The following RCOR1 variants were observed in gnomAD, a reference collection of about 807,000 sequenced individuals.
RCOR1 encodes the protein REST corepressor.
In RCOR1, 12 loss-of-function variants were observed where a neutral mutation model predicts 64.0. The observed-to-expected ratio is 0.19, with a 90% CI of 0.12 to 0.30. The LOEUF (loss-of-function observed/expected upper bound fraction) is 0.30. RCOR1 is among the 10% of genes least tolerant of loss of function. RCOR1 has a pLI of 1.00. For synonymous variants in RCOR1, 279 were observed against 227.2 expected (o/e 1.23, Z -2.05); for missense variants, 502 against 621.2 (o/e 0.81, Z 2.04).
intron 2 of RCOR1, among the ~76,000 whole-genome samples, chr14:102,673,380 A>AG (rs1385732885): frequency 6.9e-6 from 1 of 144,924 alleles, no homozygotes; most frequent in South Asian, 2.2e-4. Flanking sequence ...TCTGTGGCCC[A>AG]GGCTGGAGTG....
rs565287760 is a variant in RCOR1, at chr14:102,656,599, C to T, written c.362-25296C>T. On this transcript the variant is annotated intron_variant, in intron 2 of 11. Transcript: ENST00000262241. The stretch of plus-strand genomic sequence containing the variant: ...TCTCCTGTTCCAGCCTCCTAGGTAA[C>T]TGGGACTGCAGGCTTGCCACCATAT... 2.0e-5 allele frequency among the ~76,000 whole-genome samples: 3 copies of T among 151,880 alleles called. No individual in the cohort carries two copies. The South Asian group carries it at 6.2e-4, about 32-fold the overall frequency.
At chr14:102,629,442 T>TCC (rs34832312) in intron 2 of RCOR1, among the ~76,000 whole-genome samples, 64 of 146,046 alleles carry the variant, frequency 4.4e-4, no homozygotes, top group African/African-American at 1.1e-3. Context: ...CTTAACAGCC[T>TCC]CCCCCCCCCC....
intron 2 of RCOR1, among the ~76,000 whole-genome samples, chr14:102,639,947 A>G (rs892298156): frequency 1.1e-4 from 17 of 152,088 alleles, no homozygotes; most frequent in African/African-American, 3.9e-4. Context: ...CCTGGGTTCA[A>G]GTGATTCTCT....
intron 11 of RCOR1, among the ~76,000 whole-genome samples, chr14:102,724,347 C>CA (rs1265563057): frequency 6.6e-6 from 1 of 151,314 alleles, no homozygotes; most frequent in Non-Finnish European, 1.5e-5. Context: ...TTTTTTGAGA[C>CA]AGAGTCTCCC....
chr14:102,720,592 AGTTCT>A (rs1441007254), intron 8 of RCOR1, among the ~76,000 whole-genome samples: 2 of 152,262 alleles, frequency 1.3e-5, no homozygotes, highest in Non-Finnish European at 2.9e-5. Flanking sequence ...CTGCACCCGC[AGTTCT>A]GTTGTAAAGA....
chr14:102,610,399 T>TA (rs1408364127), intron 2 of RCOR1, among the ~76,000 whole-genome samples: 2 of 152,134 alleles, frequency 1.3e-5, no homozygotes, highest in East Asian at 3.8e-4. Context: ...GTCCTTCTGT[T>TA]ACACTAGGCA....
chr14:102,701,178 T>C (rs1895750444), intron 3 of RCOR1, 100 bp from the exon 4 acceptor site: 5 of 990,338 alleles, frequency 5.0e-6, no homozygotes, highest in Admixed American at 1.8e-5. Context: ...AGCCAAACCA[T>C]ATCAGCAGGC....
chr14:102,681,837 T>A (rs1895310347), intron 2 of RCOR1, 58 bp from the exon 3 acceptor site: 1 of 1,245,122 alleles, frequency 8.0e-7, no homozygotes, highest in African/African-American at 1.5e-5. Context: ...TATTGTTACT[T>A]ATAGCTTATT....
chr14:102,669,199 C>T (rs938700891), intron 2 of RCOR1, among the ~76,000 whole-genome samples: 4 of 151,562 alleles, frequency 2.6e-5, no homozygotes, highest in Non-Finnish European at 5.9e-5. Flanking sequence ...ATCCTATCTA[C>T]TTGGGATGCT....
At chr14:102,712,946 T>TG (rs1895990429) in intron 7 of RCOR1, among the ~76,000 whole-genome samples, 1 of 133,436 alleles carries the variant, frequency 7.5e-6, no homozygotes, top group Admixed American at 7.6e-5. Context: ...GCTAAATCAT[T>TG]GTTTTTTTTT....
chr14:102,602,806 A>G (rs1595189901), intron 2 of RCOR1, among the ~76,000 whole-genome samples: 1 of 151,884 alleles, frequency 6.6e-6, no homozygotes, highest in Non-Finnish European at 1.5e-5. Context: ...CCAGGGCTCA[A>G]GTGATCCTCC....
intron 2 of RCOR1, chr14:102,658,586 C>A: frequency 2.0e-6 from 2 of 985,300 alleles, no homozygotes; most frequent in Non-Finnish European, 2.4e-6. Context: ...ACCTACCTAC[C>A]CCCCATCCTT....
chr14:102,716,254 T>G (rs1896066990), intron 8 of RCOR1, among the ~76,000 whole-genome samples: 1 of 152,228 alleles, frequency 6.6e-6, no homozygotes, highest in Non-Finnish European at 1.5e-5. Context: ...GCGTATTTTC[T>G]TATTGGTTTA....
chr14:102,690,260 A>G (rs893219785), intron 3 of RCOR1, among the ~76,000 whole-genome samples: 1 of 152,256 alleles, frequency 6.6e-6, no homozygotes, highest in Non-Finnish European at 1.5e-5. Context: ...ATGAAAGTTT[A>G]GAGTAATATG....
At chr14:102,593,797 C>T (rs1468708854) in intron 2 of RCOR1, among the ~76,000 whole-genome samples, 13 of 152,208 alleles carry the variant, frequency 8.5e-5, no homozygotes, top group Non-Finnish European at 1.9e-4. Context: ...CCTCTGGGCT[C>T]TTGCTGGCTC....
At chr14:102,596,578 T>G (rs1041376357) in intron 2 of RCOR1, among the ~76,000 whole-genome samples, 1 of 152,156 alleles carries the variant, frequency 6.6e-6, no homozygotes, top group African/African-American at 2.4e-5. Flanking sequence ...TTTCTTTTAT[T>G]TTTTGAGACC....
intron 2 of RCOR1, chr14:102,655,138 GCT>G: frequency 7.2e-6 from 1 of 139,822 alleles, no homozygotes; most frequent in Non-Finnish European, 1.2e-5. Context: ...TTTTTTTTAA[GCT>G]AAATTTTGTT....
intron 2 of RCOR1, among the ~76,000 whole-genome samples, chr14:102,596,572 T>C (rs945690118): frequency 6.6e-6 from 1 of 152,144 alleles, no homozygotes; most frequent in African/African-American, 2.4e-5. Flanking sequence ...TTCTTTTTTC[T>C]TTTATTTTTT....
chr14:102,730,163 G>T lies in RCOR1; in HGVS notation c.*3657G>T, dbSNP rs1158687716. On this transcript the variant is annotated 3_prime_UTR_variant, in exon 12 of 12. Coordinates refer to ENST00000262241, the MANE Select transcript of RCOR1 (RefSeq NM_015156.4). Reference sequence around the variant, plus strand: ...CTAAAACGAAATTTATACCGGGGTGGATAGTATTCCATTAGGTAGACTTAT... The same window carrying T: ...CTAAAACGAAATTTATACCGGGGTGTATAGTATTCCATTAGGTAGACTTAT... 1 of 397,690 alleles carries T rather than the reference G, an allele frequency of 2.5e-6. No homozygotes were observed. The highest frequency in any genetic ancestry group is 3.6e-5 in the East Asian group (1 of 28,054). The allele number at this position is 397,690 out of a possible 1,614,324, so 24.6% of individuals were successfully genotyped here. A position where few individuals can be genotyped will look rare whatever the true frequency, so the allele number is the denominator to read the frequency against.
Sources: allele counts gnomAD v4.1 joint callset (sites outside exome capture counted in the v4.1 genomes callset), GRCh38; gene constraint gnomAD v4.1.1; transcripts MANE v1.5; gene names NCBI Gene and HGNC (gene_info 2026-07-23, HGNC 2026-07-21).